Variants in UBE3C observed in about 807,000 individuals in gnomAD.
UBE3C encodes ubiquitin protein ligase E3C.
UBE3C carries 42 observed loss-of-function variants against 129.4 expected under a neutral mutation model. The ratio of observed to expected loss-of-function variants is 0.32; its 90% CI spans 0.25 to 0.42. UBE3C has a LOEUF of 0.42. Among genes scored for constraint, UBE3C ranks in the 10% least tolerant of loss-of-function variants. The pLI is 1.00. For missense variants in UBE3C, 1,049 were observed against 1,319.1 expected (o/e 0.80, Z 3.17); for synonymous variants, 510 against 492.4 (o/e 1.04, Z -0.47).
chr7:157,228,149 C>G (rs1202395391), intron 17 of UBE3C, among the ~76,000 whole-genome samples: 1 of 152,222 alleles, frequency 6.6e-6, no homozygotes, highest in Non-Finnish European at 1.5e-5. Context: ...TGCTCGTTGT[C>G]TTATCTCCGA....
At position 157,207,939 on chromosome 7, in the gene UBE3C, T is replaced by C. The variant is rs1034289562; in HGVS notation, c.1809+4T>C. The stretch of plus-strand genomic sequence containing the variant: ...AAGATGGATTCAGTTATTTAAGGTA[T>C]AGAGTATATGTATTTTTTTGTTTAC... On this transcript the variant is annotated splice_donor_region_variant and intron_variant, in intron 13 of 22. Coordinates refer to ENST00000348165, the MANE Select transcript of UBE3C (RefSeq NM_014671.3). 1.9e-6 allele frequency: 3 copies of C among 1,548,130 alleles called. No homozygotes were observed. The highest frequency in any genetic ancestry group is 2.6e-6 in the Non-Finnish European group (3 of 1,152,242).
intron 13 of UBE3C, among the ~76,000 whole-genome samples, chr7:157,208,264 CAG>C (rs1809495740): frequency 1.3e-5 from 2 of 151,784 alleles, no homozygotes; most frequent in South Asian, 4.2e-4. Flanking sequence ...TTTGTAGAGA[CAG>C]AGTCTCACTG....
chr7:157,193,749 AC>A (rs2116961920), intron 10 of UBE3C, among the ~76,000 whole-genome samples: 1 of 151,554 alleles, frequency 6.6e-6, no homozygotes, highest in African/African-American at 2.4e-5. Flanking sequence ...AAAATGACTG[AC>A]CTCACACATG....
intron 11 of UBE3C, 133 bp downstream of exon 11, chr7:157,201,940 A>G (rs1238595814): frequency 1.4e-6 from 1 of 700,650 alleles, no homozygotes; most frequent in East Asian, 2.9e-5. Flanking sequence ...TAAGTTCCAG[A>G]TGGTCTCAGT....
intron 1 of UBE3C, among the ~76,000 whole-genome samples, chr7:157,142,889 C>T (rs1380589037): frequency 6.7e-6 from 1 of 150,240 alleles, no homozygotes; most frequent in Non-Finnish European, 1.5e-5. Context: ...GTTTCGCTCA[C>T]GCTGGAGCGC....
At chr7:157,209,864 T>C (rs2117014835) in intron 13 of UBE3C, among the ~76,000 whole-genome samples, 1 of 152,364 alleles carries the variant, frequency 6.6e-6, no homozygotes, top group East Asian at 1.9e-4. Context: ...CCCTGCCACT[T>C]TATTCATCAT....
At chr7:157,237,435 C>T (rs111680597) in intron 18 of UBE3C, among the ~76,000 whole-genome samples, 39 of 151,472 alleles carry the variant, frequency 2.6e-4, no homozygotes, top group Middle Eastern at 3.4e-3. Context: ...AGCGAGACTC[C>T]GTCTCAAAAA....
chr7:157,196,205 A>C (rs1809116728), intron 10 of UBE3C, among the ~76,000 whole-genome samples: 1 of 152,232 alleles, frequency 6.6e-6, no homozygotes, highest in African/African-American at 2.4e-5. Context: ...CAAGGAAATA[A>C]ATAATTCTCC....
chr7:157,198,082 GA>G, intron 10 of UBE3C: 11 of 1,611,920 alleles, frequency 6.8e-6, no homozygotes, highest in Non-Finnish European at 9.3e-6. Context: ...ACAAACTCCA[GA>G]AATTGAGCAT....
At chr7:157,169,973 C>T (rs747794484) in intron 3 of UBE3C, among the ~76,000 whole-genome samples, 1 of 152,090 alleles carries the variant, frequency 6.6e-6, no homozygotes, top group East Asian at 1.9e-4. Flanking sequence ...TGTGAGCCAT[C>T]GTGCCCTGCC....
intron 1 of UBE3C, among the ~76,000 whole-genome samples, chr7:157,150,057 C>T (rs974508643): frequency 6.6e-6 from 1 of 152,100 alleles, no homozygotes; most frequent in Non-Finnish European, 1.5e-5. Flanking sequence ...CACAACCTAC[C>T]TAGGGTTGGT....
intron 1 of UBE3C, among the ~76,000 whole-genome samples, chr7:157,158,767 T>C (rs965713057): frequency 1.3e-5 from 2 of 152,250 alleles, no homozygotes; most frequent in African/African-American, 4.8e-5. Context: ...TGGGGACGTT[T>C]TTTTTCTAGC....
intron 4 of UBE3C, among the ~76,000 whole-genome samples, chr7:157,171,687 T>TATATATATATATATATA (rs1491094674): frequency 0.018 from 108 of 6,130 alleles, 1 homozygote; most frequent in South Asian, 0.045. Context: ...TATATATATA[T>TATATATATATATATATA]TTTTTTTTTT....
chr7:157,265,774 C>T (rs2116722479), intron 22 of UBE3C, among the ~76,000 whole-genome samples: 1 of 152,318 alleles, frequency 6.6e-6, no homozygotes, highest in South Asian at 2.1e-4. Context: ...ACTTAAGACG[C>T]TGAAGCGTTG....
chr7:157,216,830 C>T (rs765248611), intron 13 of UBE3C, 37 bp from the exon 14 acceptor site: 1 of 1,522,918 alleles, frequency 6.6e-7, no homozygotes, highest in South Asian at 1.1e-5. Flanking sequence ...TGCTGCCGAG[C>T]TCACGTGTGT....
chr7:157,229,158 C>T (rs1024120351), intron 17 of UBE3C, among the ~76,000 whole-genome samples: 5 of 152,170 alleles, frequency 3.3e-5, no homozygotes, highest in African/African-American at 1.2e-4. Context: ...CGTCCCCTCT[C>T]CTTCCCCCTA....
Position 157,207,732 on chromosome 7 carries a change from C to T in UBE3C, c.1606C>T (p.Pro536Ser), listed in dbSNP as rs1809473428. The change falls in exon 13 of 23, where the codon CCT becomes TCT. Residue 536 changes from proline (P) to serine (S), a missense_variant. Pro to Ser is a moderately conservative substitution (Grantham distance 74, BLOSUM62 -1). Transcript: ENST00000348165. Reference sequence around the variant, plus strand: ...AGGTCAAAGACAATCATCAATGATGCCTTTTACTTTAGAAGAGCTGATAAT... The same window carrying T: ...AGGTCAAAGACAATCATCAATGATGTCTTTTACTTTAGAAGAGCTGATAAT... The part of the protein sequence containing the change: ...VVGQRQSSMM[P>S]FTLEELIMLS... 40 of 1,613,542 alleles carry T rather than the reference C, an allele frequency of 2.5e-5. No homozygotes were observed. Among genetic ancestry groups the T allele is most frequent in the Non-Finnish European group, 3.4e-5 (40 of 1,179,908 alleles).
At chr7:157,167,787 C>T (rs1042866617) in intron 2 of UBE3C, among the ~76,000 whole-genome samples, 3 of 151,888 alleles carry the variant, frequency 2.0e-5, no homozygotes, top group East Asian at 2.0e-4. Flanking sequence ...CCTCCTGCCT[C>T]GGCCTCCCAA....
chr7:157,167,500 A>G (rs1172051119), intron 2 of UBE3C, among the ~76,000 whole-genome samples: 1 of 151,452 alleles, frequency 6.6e-6, no homozygotes, highest in Non-Finnish European at 1.5e-5. Flanking sequence ...CACCTGTAAG[A>G]TGACTGTGCA....
Sources: gnomAD v4.1 joint callset for allele counts (sites outside exome capture counted in the v4.1 genomes callset) on GRCh38, gnomAD v4.1.1 for gene constraint, MANE v1.5 for transcripts, NCBI Gene and HGNC (gene_info 2026-07-23, HGNC 2026-07-21) for gene names.